The following LYRM4 variants were observed in gnomAD, a reference collection of about 807,000 sequenced individuals.
The protein encoded by LYRM4 is LYR motif containing 4, also known as LYR motif-containing protein 4.
A neutral mutation model predicts 11.7 loss-of-function variants in LYRM4; 9 were observed. That is an observed-to-expected ratio of 0.77 (90% CI 0.46 to 1.34). The LOEUF is 1.34. LYRM4 is among the 40% of genes most tolerant of loss of function. The probability of loss-of-function intolerance (pLI) is 0.00; values close to 1 mark genes in which losing one functional copy is unlikely to be tolerated. For synonymous variants in LYRM4, 42 were observed against 40.4 expected, an observed-to-expected ratio of 1.04 and a Z score of -0.15; for missense variants, 133 against 112.5, an observed-to-expected ratio of 1.18 and a Z score of -0.82.
chr6:5,147,520 A>G (rs1452537665), intron 2 of LYRM4, among the ~76,000 whole-genome samples: 1 of 152,230 alleles, frequency 6.6e-6, no homozygotes, highest in African/African-American at 2.4e-5. Flanking sequence ...ACTATGGGTT[A>G]TCAATGTCCA....
the LYRM4 span, among the ~76,000 whole-genome samples, chr6:5,048,561 G>A: frequency 5.3e-5 from 8 of 152,094 alleles, no homozygotes; most frequent in East Asian, 1.9e-4. Context: ...CTTGAACTAC[G>A]TTGCCCAGGC....
intron 1 of LYRM4, chr6:5,218,552 G>C (rs1197295382): frequency 5.2e-6 from 1 of 193,462 alleles, no homozygotes; most frequent in Non-Finnish European, 9.4e-6. Context: ...AAGGAGAAGG[G>C]AAGAGTTTAG....
Position 5,246,933 on chromosome 6 carries a change from G to A in LYRM4, c.86+13715C>T, listed in dbSNP as rs1470458922. On this transcript the variant is annotated intron_variant, in intron 1 of 2. Coordinates refer to ENST00000330636, the MANE Select transcript of LYRM4 (RefSeq NM_020408.6). ...ACAGGGAAAGTGCAAAGAGGGAAAT[G>A]GGTGAAGGACCACCCACAGAGATCT... Among the ~76,000 whole-genome samples the A allele has an allele frequency of 2.0e-5, 3 of 152,134 alleles. No homozygotes were observed. The East Asian group carries it at 5.8e-4, about 29-fold the overall frequency.
intron 1 of LYRM4, among the ~76,000 whole-genome samples, chr6:5,234,441 G>A (rs1388071847): frequency 6.6e-6 from 1 of 152,144 alleles, no homozygotes; most frequent in Non-Finnish European, 1.5e-5. Flanking sequence ...AAAGCTCCTG[G>A]TATTGGGCAC....
intron 2 of LYRM4, among the ~76,000 whole-genome samples, chr6:5,160,893 A>T (rs576952356): frequency 7.9e-5 from 12 of 152,330 alleles, no homozygotes; most frequent in African/African-American, 2.9e-4. Flanking sequence ...GATGGGGAGC[A>T]AACGATTTAG....
At chr6:5,217,102 A>C (rs1259774496) in intron 1 of LYRM4, among the ~76,000 whole-genome samples, 1 of 152,210 alleles carries the variant, frequency 6.6e-6, no homozygotes, top group Non-Finnish European at 1.5e-5. Context: ...GCAGTGAACC[A>C]TGATGGTGCT....
the LYRM4 span, among the ~76,000 whole-genome samples, chr6:5,062,862 T>C: frequency 6.6e-6 from 1 of 152,068 alleles, no homozygotes; most frequent in Admixed American, 6.6e-5. Flanking sequence ...AATGCAACCA[T>C]TGGATTTGGA....
Position 5,153,485 on chromosome 6 carries a change from G to T in LYRM4, c.208-43994C>A, listed in dbSNP as rs577615421. On this transcript the variant is annotated intron_variant, in intron 2 of 2. Transcript: ENST00000330636. ...TGGGCAGAGAGAAGCTGGACATCTG[G>T]AAACTAACTTGATGAAGTGCTGCTG... is the stretch of plus-strand genomic sequence containing the variant. 3.9e-5 allele frequency among the ~76,000 whole-genome samples: 6 copies of T among 152,348 alleles called. No individual in the cohort carries two copies. The South Asian group carries it at 1.0e-3, about 26-fold the overall frequency.
chr6:5,245,760 T>C (rs920435571), intron 1 of LYRM4, among the ~76,000 whole-genome samples: 1 of 152,166 alleles, frequency 6.6e-6, no homozygotes, highest in Non-Finnish European at 1.5e-5. Flanking sequence ...GAAACGTGTA[T>C]GGGGCTGTGA....
the LYRM4 span, chr6:5,085,554 G>T: frequency 3.2e-6 from 5 of 1,541,772 alleles, no homozygotes; most frequent in Non-Finnish European, 4.4e-6. Flanking sequence ...AGGCCCCGCC[G>T]GCCGAGGAGC....
chr6:5,191,396 T>C (rs954395367), intron 2 of LYRM4, among the ~76,000 whole-genome samples: 1 of 152,166 alleles, frequency 6.6e-6, no homozygotes, highest in African/African-American at 2.4e-5. Flanking sequence ...TGACCCCATG[T>C]CTCTGAGTGG....
intron 2 of LYRM4, chr6:5,136,542 T>A: frequency 1.0e-6 from 1 of 965,520 alleles, no homozygotes; most frequent in African/African-American, 1.8e-5. Context: ...AATGTCAATT[T>A]TACATAAGTT....
chr6:5,229,737 A>G (rs1044028320), intron 1 of LYRM4, among the ~76,000 whole-genome samples: 1 of 152,234 alleles, frequency 6.6e-6, no homozygotes, highest in Admixed American at 6.5e-5. Flanking sequence ...ACAGTTTCAT[A>G]TATCTGCAGG....
chr6:5,170,211 G>A (rs760035213), intron 2 of LYRM4, among the ~76,000 whole-genome samples: 4 of 152,204 alleles, frequency 2.6e-5, no homozygotes, highest in Non-Finnish European at 4.4e-5. Context: ...TTGTTTGAAA[G>A]CAAGCATTTT....
At chr6:5,164,321 C>A (rs1357642426) in intron 2 of LYRM4, among the ~76,000 whole-genome samples, 1 of 152,046 alleles carries the variant, frequency 6.6e-6, no homozygotes, top group Non-Finnish European at 1.5e-5. Context: ...CCCCAAATGC[C>A]CAGCAATAGT....
chr6:5,239,555 G>C (rs1177731037), intron 1 of LYRM4, among the ~76,000 whole-genome samples: 1 of 152,036 alleles, frequency 6.6e-6, no homozygotes, highest in Non-Finnish European at 1.5e-5. Flanking sequence ...GGAGCCAAGA[G>C]AGGAGCAGAC....
chr6:5,174,498 G>A (rs953358106), intron 2 of LYRM4, among the ~76,000 whole-genome samples: 14 of 152,138 alleles, frequency 9.2e-5, no homozygotes, highest in African/African-American at 3.4e-4. Flanking sequence ...AAAATGAAAG[G>A]GGAGAGTACT....
At chr6:5,260,028 T>C (rs1318858411) in intron 1 of LYRM4, among the ~76,000 whole-genome samples, 1 of 152,212 alleles carries the variant, frequency 6.6e-6, no homozygotes, top group Non-Finnish European at 1.5e-5. Flanking sequence ...TATCCTGCTG[T>C]CAAGGTCCAG....
chr6:5,132,516 A>G (rs1335697148), intron 2 of LYRM4, among the ~76,000 whole-genome samples: 3 of 152,228 alleles, frequency 2.0e-5, no homozygotes, highest in Admixed American at 2.0e-4. Flanking sequence ...GCTTTCAAAG[A>G]GAAGAGTACC....
Sources: gnomAD v4.1 joint callset for allele counts (sites outside exome capture counted in the v4.1 genomes callset) on GRCh38, gnomAD v4.1.1 for gene constraint, MANE v1.5 for transcripts, NCBI Gene and HGNC (gene_info 2026-07-23, HGNC 2026-07-21) for gene names.